The following NCK2 variants were observed in gnomAD, a reference collection of about 807,000 sequenced individuals.
NCK2 encodes the protein NCK adaptor protein 2, also known as cytoplasmic protein NCK2.
NCK2 carries 16 observed loss-of-function variants against 33.9 expected under a neutral mutation model. That is an observed-to-expected ratio of 0.47 (90% CI 0.32 to 0.72). The LOEUF is 0.72. NCK2 is among the 30% of genes least tolerant of loss of function. The pLI is 0.03. For synonymous variants in NCK2, 273 were observed against 239.9 expected (o/e 1.14, Z -1.27); for missense variants, 418 against 537.3 (o/e 0.78, Z 2.19).
At chr2:105,809,264 A>G (rs1053936862) in intron 1 of NCK2, among the ~76,000 whole-genome samples, 4 of 152,174 alleles carry the variant, frequency 2.6e-5, no homozygotes, top group African/African-American at 7.2e-5. Flanking sequence ...TGCGTGTGTC[A>G]TATGTCGTGA....
intron 1 of NCK2, among the ~76,000 whole-genome samples, chr2:105,796,796 A>T (rs1463610253): frequency 6.6e-6 from 1 of 152,220 alleles, no homozygotes; most frequent in East Asian, 1.9e-4. Flanking sequence ...AGGTAAATGC[A>T]GTATACATTT....
chr2:105,788,036 G>A (rs913903883), intron 1 of NCK2, among the ~76,000 whole-genome samples: 6 of 152,024 alleles, frequency 3.9e-5, no homozygotes, highest in East Asian at 1.9e-4. Context: ...TTCCAAGGTT[G>A]GATCTGCTTG....
At chr2:105,842,748 G>A (rs1244253787) in intron 2 of NCK2, among the ~76,000 whole-genome samples, 3 of 152,222 alleles carry the variant, frequency 2.0e-5, no homozygotes, top group Non-Finnish European at 2.9e-5. Flanking sequence ...GGCTCTGGGA[G>A]GCCTGACTGG....
intron 1 of NCK2, among the ~76,000 whole-genome samples, chr2:105,806,028 C>T (rs377325339): frequency 1.8e-4 from 28 of 151,886 alleles, no homozygotes; most frequent in East Asian, 1.4e-3. Context: ...GCTGGGTAAA[C>T]TGTGTTGTGT....
intron 2 of NCK2, among the ~76,000 whole-genome samples, chr2:105,830,691 G>GTGTGTGTGTGTA (rs1553458045): frequency 9.5e-5 from 14 of 147,198 alleles, no homozygotes; most frequent in South Asian, 4.3e-4. Flanking sequence ...GTGTGTGTGT[G>GTGTGTGTGTGTA]TGTGTGTGTG....
chr2:105,797,641 A>G (rs528905403), intron 1 of NCK2, among the ~76,000 whole-genome samples: 2 of 152,290 alleles, frequency 1.3e-5, no homozygotes, highest in East Asian at 1.9e-4. Context: ...GTATGGTAAC[A>G]GTGAGGCAGG....
At chr2:105,746,451 A>G (rs796257217) in intron 1 of NCK2, among the ~76,000 whole-genome samples, 3 of 152,334 alleles carry the variant, frequency 2.0e-5, no homozygotes, top group African/African-American at 7.2e-5. Context: ...AGATGTAGTT[A>G]TCAAGTCTCA....
intron 1 of NCK2, among the ~76,000 whole-genome samples, chr2:105,800,088 A>G (rs1452629409): frequency 6.6e-6 from 1 of 152,206 alleles, no homozygotes; most frequent in East Asian, 1.9e-4. Flanking sequence ...AGACCATGAC[A>G]GTTTTCCTCC....
intron 2 of NCK2, among the ~76,000 whole-genome samples, chr2:105,828,392 T>C (rs1274055228): frequency 1.3e-5 from 2 of 152,210 alleles, no homozygotes; most frequent in Non-Finnish European, 2.9e-5. Flanking sequence ...AATTTGCCTG[T>C]AATTAATGTT....
chr2:105,893,003 C>T lies in NCK2; in HGVS notation c.970C>T (p.Leu324Phe). Residue 324 changes from leucine (L) to phenylalanine (F), a missense_variant, in exon 5 of 5, where the codon CTT becomes TTT. Leu to Phe is a conservative substitution (Grantham distance 22). Coordinates refer to ENST00000233154, the MANE Select transcript of NCK2 (RefSeq NM_003581.5). ...ESSPSDFSVS[L>F]KASGKNKHFK... The stretch of plus-strand genomic sequence containing the variant: ...CCAGCCCAGCGACTTCTCCGTGTCC[C>T]TTAAAGCGTCAGGGAAGAACAAACA... 1 of 1,612,432 alleles carries T rather than the reference C, an allele frequency of 6.2e-7. No individual in the cohort carries two copies. Among genetic ancestry groups the T allele is most frequent in the Non-Finnish European group, 8.5e-7 (1 of 1,178,588 alleles).
chr2:105,876,997 A>T (rs944599387), intron 3 of NCK2, among the ~76,000 whole-genome samples: 1 of 152,080 alleles, frequency 6.6e-6, no homozygotes, highest in African/African-American at 2.4e-5. Flanking sequence ...TCCCTTTGAG[A>T]TGTCCCGGCT....
At chr2:105,810,939 G>A (rs367667536) in intron 1 of NCK2, among the ~76,000 whole-genome samples, 3 of 152,210 alleles carry the variant, frequency 2.0e-5, no homozygotes, top group Non-Finnish European at 1.5e-5. Flanking sequence ...ACTTTGGGAG[G>A]CCCAGGTGGG....
chr2:105,820,983 G>C (rs1287328643), intron 2 of NCK2, among the ~76,000 whole-genome samples: 4 of 152,200 alleles, frequency 2.6e-5, no homozygotes, highest in Non-Finnish European at 5.9e-5. Flanking sequence ...TCCATTTTGT[G>C]ATAGAAGCAG....
At chr2:105,822,419 C>T (rs1346734932) in intron 2 of NCK2, among the ~76,000 whole-genome samples, 5 of 151,978 alleles carry the variant, frequency 3.3e-5, no homozygotes, top group African/African-American at 1.2e-4. Flanking sequence ...CTGTACAGGC[C>T]AGGGGACTTT....
At chr2:105,826,355 A>G (rs1259227486) in intron 2 of NCK2, among the ~76,000 whole-genome samples, 2 of 152,146 alleles carry the variant, frequency 1.3e-5, no homozygotes, top group Non-Finnish European at 2.9e-5. Flanking sequence ...TAGGGATTAC[A>G]ATTCAATTCA....
chr2:105,797,193 C>T (rs1311458977), intron 1 of NCK2, among the ~76,000 whole-genome samples: 1 of 152,206 alleles, frequency 6.6e-6, no homozygotes, highest in Non-Finnish European at 1.5e-5. Flanking sequence ...TCCTTTCTGT[C>T]TGGCCAAATT....
At chr2:105,799,222 G>T (rs13392889) in intron 1 of NCK2, among the ~76,000 whole-genome samples, 36,463 of 151,394 alleles carry the variant, frequency 0.24, 6,087 homozygotes, top group African/African-American at 0.47. Flanking sequence ...TGTTTATGTA[G>T]TTGAATTCAT....
intron 1 of NCK2, among the ~76,000 whole-genome samples, chr2:105,777,732 A>C (rs894807764): frequency 6.6e-5 from 10 of 152,088 alleles, no homozygotes; most frequent in Admixed American, 2.0e-4. Context: ...TCTCTGGTGC[A>C]TATGTTGTGG....
In NCK2 at chr2:105,876,228, A is replaced by G. The variant is rs574498856; in HGVS notation, c.227-5100A>G. On this transcript the variant is annotated intron_variant, in intron 3 of 4. Coordinates refer to ENST00000233154, the MANE Select transcript of NCK2 (RefSeq NM_003581.5). ...GGTAAATTCTGTGCAGTAGGATTTT[A>G]TGATTAACTTGAGAATTGAAAGAAA... Among the ~76,000 whole-genome samples, 17 of 152,358 alleles carry G rather than the reference A, an allele frequency of 1.1e-4. No individual in the cohort carries two copies. The East Asian group carries it at 3.1e-3, about 28-fold the overall frequency.
Sources: gnomAD v4.1 joint callset for allele counts (sites outside exome capture counted in the v4.1 genomes callset) on GRCh38, gnomAD v4.1.1 for gene constraint, MANE v1.5 for transcripts, NCBI Gene and HGNC (gene_info 2026-07-23, HGNC 2026-07-21) for gene names.